Variants in REPS2 observed in about 807,000 individuals in gnomAD.
The protein encoded by REPS2 is ralBP1-associated Eps domain-containing protein 2.
Under a neutral mutation model 53.6 loss-of-function variants are expected in REPS2, and 23 were observed. The ratio of observed to expected loss-of-function variants is 0.43; its 90% CI spans 0.31 to 0.61. REPS2 has a LOEUF of 0.61. REPS2 is among the 20% of genes least tolerant of loss of function. The pLI, the probability that REPS2 is intolerant of heterozygous loss-of-function variation, is 0.11. For synonymous variants in REPS2, 238 were observed against 218.6 expected, an observed-to-expected ratio of 1.09 and a Z score of -0.78; for missense variants, 446 against 534.9, an observed-to-expected ratio of 0.83 and a Z score of 1.64.
chrX:16,989,038 A>G lies in REPS2; in HGVS notation c.274-17183A>G, dbSNP rs113477579. The stretch of plus-strand genomic sequence containing the variant: ...AATAAAGCAGGAGGAATCAGTCTGT[A>G]AGATTTTAAGACATATAACTACAGT... On this transcript the variant is annotated intron_variant, in intron 1 of 17. Transcript: ENST00000357277. Among the ~76,000 whole-genome samples, 605 of 111,769 alleles carry G rather than the reference A, an allele frequency of 5.4e-3. 5 individuals carry two copies. Among genetic ancestry groups the G allele is most frequent in the African/African-American group, 0.019 (579 of 30,820 alleles).
rs1555904468 is a variant in REPS2 at position 16,946,747 on chromosome X, CGGT to C, written c.-109_-107del. The C allele has an allele frequency of 7.0e-6, 5 of 712,582 alleles. No homozygotes were observed. Among genetic ancestry groups the C allele is most frequent in the African/African-American group, 2.8e-5 (1 of 35,673 alleles). 58.7% of individuals were successfully genotyped at this position (712,582 alleles called of 1,213,427 possible). On this transcript the variant is annotated 5_prime_UTR_variant, in exon 1 of 18. Coordinates refer to ENST00000357277, the MANE Select transcript of REPS2 (RefSeq NM_004726.3). ...GGCGTGGGGGTGGTGGTGGCGGCGG[CGGT>C]GGTGGCGGCGGCGGCGGCGGCGGCA...
chrX:17,117,100 T>C (rs1267214409), intron 14 of REPS2, among the ~76,000 whole-genome samples: 2 of 111,029 alleles, frequency 1.8e-5, no homozygotes, highest in Non-Finnish European at 3.8e-5. Flanking sequence ...AGAACCAGGC[T>C]TCAGTGTTAT....
At chrX:16,981,965 G>A (rs886792537) in intron 1 of REPS2, among the ~76,000 whole-genome samples, 1 of 110,504 alleles carries the variant, frequency 9.0e-6, no homozygotes, top group African/African-American at 3.3e-5. Context: ...ACCCTCCATT[G>A]CCCCCCAGTT....
chrX:16,991,385 G>T (rs769269191), intron 1 of REPS2, among the ~76,000 whole-genome samples: 1 of 111,678 alleles, frequency 9.0e-6, no homozygotes, highest in African/African-American at 3.3e-5. Flanking sequence ...TTGTAGCTAG[G>T]TGTGCCTGCG....
the REPS2 span, among the ~76,000 whole-genome samples, chrX:17,166,393 A>T: frequency 8.9e-6 from 1 of 112,080 alleles, no homozygotes; most frequent in South Asian, 3.8e-4. Flanking sequence ...AGCCTGCTGT[A>T]ATGGGGGAAA....
intron 14 of REPS2, among the ~76,000 whole-genome samples, chrX:17,110,308 C>CA: frequency 9.7e-6 from 1 of 102,635 alleles, no homozygotes; most frequent in African/African-American, 3.6e-5. Context: ...GTTTAGATTT[C>CA]ACTTTTTTTT....
At chrX:17,189,647 T>TCC in the REPS2 span, among the ~76,000 whole-genome samples, 1 of 99,748 alleles carries the variant, frequency 1.0e-5, no homozygotes, top group African/African-American at 3.8e-5. Flanking sequence ...TTCCTCTCTC[T>TCC]CCTCTCTCTC....
intron 17 of REPS2, among the ~76,000 whole-genome samples, chrX:17,144,503 A>G (rs1049899025): frequency 8.9e-6 from 1 of 112,364 alleles, no homozygotes; most frequent in Non-Finnish European, 1.9e-5. Flanking sequence ...ATTTTTCTTC[A>G]TGTTAGCCTG....
the REPS2 span, among the ~76,000 whole-genome samples, chrX:17,180,967 C>T: frequency 1.8e-5 from 2 of 112,175 alleles, no homozygotes; most frequent in African/African-American, 6.5e-5. Flanking sequence ...AATTCACTTT[C>T]TCTACCTCTC....
chrX:17,177,614 C>T, the REPS2 span, among the ~76,000 whole-genome samples: 262 of 111,520 alleles, frequency 2.3e-3, 1 homozygote, highest in African/African-American at 8.1e-3. Context: ...AAGCAAACTT[C>T]TCTTTTCTGC....
intron 1 of REPS2, among the ~76,000 whole-genome samples, chrX:16,955,654 T>C (rs763277983): frequency 8.9e-6 from 1 of 112,128 alleles, no homozygotes; most frequent in South Asian, 3.7e-4. Context: ...ACAACATGGC[T>C]CTTGGCTTCT....
At chrX:17,140,126 G>A (rs186702206) in intron 17 of REPS2, among the ~76,000 whole-genome samples, 135 of 111,512 alleles carry the variant, frequency 1.2e-3, no homozygotes, top group African/African-American at 4.3e-3. Context: ...CTTAGGAGTG[G>A]TTTTATTCAT....
At chrX:16,994,757 T>G (rs1207960200) in intron 1 of REPS2, among the ~76,000 whole-genome samples, 1 of 111,329 alleles carries the variant, frequency 9.0e-6, no homozygotes, top group Non-Finnish European at 1.9e-5. Flanking sequence ...AAATCAGCAC[T>G]GAAGAACTTA....
chrX:16,972,839 C>A (rs1424972070), intron 1 of REPS2, among the ~76,000 whole-genome samples: 2 of 111,156 alleles, frequency 1.8e-5, no homozygotes, highest in African/African-American at 6.5e-5. Context: ...TATTCCTCAC[C>A]CTGCTCCCTT....
At chrX:17,165,008 C>T in the REPS2 span, among the ~76,000 whole-genome samples, 3 of 110,156 alleles carry the variant, frequency 2.7e-5, no homozygotes, top group African/African-American at 1.0e-4. Context: ...TTATTTCTAA[C>T]CGTCTTCATT....
At chrX:16,980,443 C>T (rs1188261946) in intron 1 of REPS2, among the ~76,000 whole-genome samples, 2 of 110,912 alleles carry the variant, frequency 1.8e-5, no homozygotes, top group Admixed American at 9.7e-5. Context: ...GTTGGGACTA[C>T]GGGAGCGTGC....
intron 11 of REPS2, among the ~76,000 whole-genome samples, chrX:17,073,574 G>A (rs1295440655): frequency 9.0e-6 from 1 of 111,210 alleles, no homozygotes; most frequent in African/African-American, 3.3e-5. Flanking sequence ...CAGACATGTG[G>A]GACACAAGGA....
the REPS2 span, among the ~76,000 whole-genome samples, chrX:17,196,191 G>A: frequency 5.4e-5 from 6 of 111,620 alleles, no homozygotes; most frequent in Non-Finnish European, 7.5e-5. Context: ...TAGTCATTGC[G>A]CAGTTTTAAA....
At chrX:16,983,201 A>AT (rs372034202) in intron 1 of REPS2, among the ~76,000 whole-genome samples, 2 of 111,973 alleles carry the variant, frequency 1.8e-5, no homozygotes, top group Non-Finnish European at 3.8e-5. Context: ...ATGGAAAAAA[A>AT]ATATATAAAA....
Sources: allele counts gnomAD v4.1 joint callset (sites outside exome capture counted in the v4.1 genomes callset), GRCh38; gene constraint gnomAD v4.1.1; transcripts MANE v1.5; gene names NCBI Gene and HGNC (gene_info 2026-07-23, HGNC 2026-07-21).